The following PTGIS variants were observed in gnomAD, a reference collection of about 807,000 sequenced individuals.
PTGIS encodes the protein prostacyclin synthase.
In PTGIS, 45 loss-of-function variants were observed where a neutral mutation model predicts 50.3. The observed-to-expected ratio is 0.90, with a 90% CI of 0.70 to 1.15. The LOEUF (loss-of-function observed/expected upper bound fraction) is 1.15, where lower values mean the gene tolerates loss of function less well. Among genes scored for constraint, PTGIS ranks in the 50% most tolerant of loss-of-function variants. The pLI, the probability that PTGIS is intolerant of heterozygous loss-of-function variation, is 0.00. For synonymous variants in PTGIS, 260 were observed against 267.7 expected, an observed-to-expected ratio of 0.97 and a Z score of 0.28; for missense variants, 668 against 661.3, an observed-to-expected ratio of 1.01 and a Z score of -0.11.
Position 49,539,556 on chromosome 20 carries a change from C to T in PTGIS, c.673+14G>A, listed in dbSNP as rs199943260. ...ATCCTCCCCCCCACCCACTGGGGCC[C>T]CCATGGTGCTTACCCACTGACAGGG... On this transcript the variant is annotated intron_variant, in intron 5 of 9. Coordinates refer to ENST00000244043, the MANE Select transcript of PTGIS (RefSeq NM_000961.4). 158 of 1,612,716 alleles carry T rather than the reference C, an allele frequency of 9.8e-5. 1 individual carries two copies. In the African/African-American group the frequency reaches 1.8e-3, roughly 18 times the overall value.
At chr20:49,528,329 G>A (rs1046010123) in intron 5 of PTGIS, among the ~76,000 whole-genome samples, 5 of 151,344 alleles carry the variant, frequency 3.3e-5, no homozygotes, top group African/African-American at 1.2e-4. Flanking sequence ...ATATAGCAGT[G>A]GGCTGGGTGC....
In PTGIS at chr20:49,535,982, T is replaced by G. The variant is rs780480595; in HGVS notation, c.673+3588A>C. ...TCTTTACCCATTCTGATGTCTATAA[T>G]TGGTTTCTCTTGTTTAATTGCATCA... On this transcript the variant is annotated intron_variant, in intron 5 of 9. Transcript: ENST00000244043. Among the ~76,000 whole-genome samples the G allele has an allele frequency of 1.4e-4, 21 of 152,242 alleles. 1 individual carries two copies. The highest frequency in any genetic ancestry group is 2.9e-5 in the Non-Finnish European group (2 of 68,044).
intron 5 of PTGIS, among the ~76,000 whole-genome samples, chr20:49,528,900 T>C (rs1981862684): frequency 6.6e-6 from 1 of 152,136 alleles, no homozygotes; most frequent in Non-Finnish European, 1.5e-5. Flanking sequence ...ACTAATCAAT[T>C]ATGAGCAGTG....
Position 49,541,850 on chromosome 20 carries a change from G to C in PTGIS, c.522-2129C>G, listed in dbSNP as rs530274460. On this transcript the variant is annotated intron_variant, in intron 4 of 9. Transcript: ENST00000244043. ...CGGCAGCTCCATATCAAAAGAGCAC[G>C]GCTGAAGACAGGATAATCCCATATG... is the stretch of plus-strand genomic sequence containing the variant. Among the ~76,000 whole-genome samples, 241 of 152,150 alleles carry C rather than the reference G, an allele frequency of 1.6e-3. 1 individual carries two copies. The highest frequency in any genetic ancestry group is 2.9e-3 in the Non-Finnish European group (194 of 68,034).
intron 6 of PTGIS, 126 bp downstream of exon 6, chr20:49,523,932 C>T: frequency 8.4e-7 from 1 of 1,191,192 alleles, no homozygotes. Flanking sequence ...CACCTACATA[C>T]ACATGCACAC....
chr20:49,563,731 G>C (rs1456271504), intron 1 of PTGIS, among the ~76,000 whole-genome samples: 1 of 152,240 alleles, frequency 6.6e-6, no homozygotes, highest in African/African-American at 2.4e-5. Context: ...GAATGAGACA[G>C]ATTTATTTGT....
chr20:49,547,986 G>A lies in PTGIS; in HGVS notation c.232C>T (p.Leu78=). 6.2e-7 allele frequency: 1 copy of A among 1,614,120 alleles called. No homozygotes were observed. Among genetic ancestry groups the A allele is most frequent in the African/African-American group, 1.3e-5 (1 of 75,038 alleles). The change falls in exon 3 of 10, where the codon CTG becomes TTG. Residue 78 remains leucine, a synonymous_variant. Coordinates refer to ENST00000244043, the MANE Select transcript of PTGIS (RefSeq NM_000961.4). ...LVGGRYVTVL[L]DPHSYDAVVW... ...ACCGCGTCGTAGGAGTGTGGGTCCA[G>A]GAGAACGGTGACATACCTGCCCCCA...
In PTGIS at chr20:49,568,121, G is replaced by GGGCTGGCGGGGCTGGCGA; in HGVS notation, c.-6_-5insTCGCCAGCCCCGCCAGCC. 1.9e-6 allele frequency: 2 copies of GGGCTGGCGGGGCTGGCGA among 1,062,226 alleles called. No individual in the cohort carries two copies. The highest frequency in any genetic ancestry group is 2.5e-6 in the Non-Finnish European group (2 of 808,080). The allele number at this position is 1,062,226 out of a possible 1,614,324, so 65.8% of individuals were successfully genotyped here. Reference sequence around the variant, plus strand: ...GAGGAGCGCGGCCCAAGCCATCGCGGGGCTGGCGGGGCTGGCGGGGCTGGC... The same window carrying GGGCTGGCGGGGCTGGCGA: ...GAGGAGCGCGGCCCAAGCCATCGCGGGGCTGGCGGGGCTGGCGAGGCTGGCGGGGCTGGCGGGGCTGGC... On this transcript the variant is annotated 5_prime_UTR_variant, in exon 1 of 10. Coordinates refer to ENST00000244043, the MANE Select transcript of PTGIS (RefSeq NM_000961.4).
chr20:49,559,201 T>C (rs938728009), intron 1 of PTGIS, among the ~76,000 whole-genome samples: 1 of 152,186 alleles, frequency 6.6e-6, no homozygotes, highest in African/African-American at 2.4e-5. Flanking sequence ...AAGATAATAA[T>C]ATAGATTCTT....
chr20:49,517,484 A>G lies in PTGIS; in HGVS notation c.856-3089T>C, dbSNP rs185206112. 7.3e-4 allele frequency among the ~76,000 whole-genome samples: 111 copies of G among 152,214 alleles called. 2 individuals carry two copies. In the East Asian group the frequency reaches 0.021, roughly 28 times the overall value. On this transcript the variant is annotated intron_variant, in intron 6 of 9. Transcript: ENST00000244043. Reference sequence around the variant, plus strand: ...TGTGTGTGTGTGTGTGTGTGCACACACAACCATAAGAGATCCTGAATTTGC... The same window carrying G: ...TGTGTGTGTGTGTGTGTGTGCACACGCAACCATAAGAGATCCTGAATTTGC...
intron 5 of PTGIS, among the ~76,000 whole-genome samples, chr20:49,535,515 GT>G (rs1402637180): frequency 1.3e-5 from 2 of 152,076 alleles, no homozygotes; most frequent in Non-Finnish European, 2.9e-5. Context: ...TTGGTTTTTT[GT>G]TTTTGTTTTT....
At chr20:49,517,797 G>A (rs183139123) in intron 6 of PTGIS, among the ~76,000 whole-genome samples, 98 of 152,298 alleles carry the variant, frequency 6.4e-4, no homozygotes, top group African/African-American at 2.3e-3. Flanking sequence ...GCCTGCATCC[G>A]CTTCCTTGTC....
At chr20:49,565,001 C>T (rs1262219057) in intron 1 of PTGIS, among the ~76,000 whole-genome samples, 1 of 143,640 alleles carries the variant, frequency 7.0e-6, no homozygotes, top group African/African-American at 2.6e-5. Flanking sequence ...GAGATGGAGT[C>T]GCTCTGTCGC....
At chr20:49,554,896 T>C (rs1010161059) in intron 1 of PTGIS, among the ~76,000 whole-genome samples, 5 of 152,212 alleles carry the variant, frequency 3.3e-5, no homozygotes, top group Non-Finnish European at 7.4e-5. Context: ...TTATAAGATT[T>C]GAGAAACAGG....
chr20:49,514,280 A>T lies in PTGIS; in HGVS notation c.971T>A (p.Val324Asp). 6.2e-7 allele frequency: 1 copy of T among 1,614,134 alleles called. No homozygotes were observed. Among genetic ancestry groups the T allele is most frequent in the Non-Finnish European group, 8.5e-7 (1 of 1,180,040 alleles). ...CTGTGGGAGAGTGGTCGTCTGCGAGACAGGCTGCTCCGCTTGCCAAAGGAT... is the reference window on the plus strand; with the variant it reads ...CTGTGGGAGAGTGGTCGTCTGCGAGTCAGGCTGCTCCGCTTGCCAAAGGAT... ...ESILWQAEQPVSQTTTLPQKV... is the reference protein window; with the variant it reads ...ESILWQAEQPDSQTTTLPQKV... The change falls in exon 7 of 10, where the codon GTC (valine) becomes GAC (aspartate). Residue 324 changes from valine (V) to aspartate (D), a missense_variant. Val to Asp is a radical substitution (Grantham distance 152, BLOSUM62 -3). Transcript: ENST00000244043.
intron 5 of PTGIS, among the ~76,000 whole-genome samples, chr20:49,525,227 G>C (rs939002544): frequency 6.6e-6 from 1 of 152,240 alleles, no homozygotes; most frequent in African/African-American, 2.4e-5. Flanking sequence ...CCCTCGGCAG[G>C]AGAGGGAAAC....
rs1982177533 is a variant in PTGIS, at chr20:49,539,733, A to G, written c.522-12T>C. The G allele has an allele frequency of 1.2e-6, 2 of 1,608,212 alleles. No homozygotes were observed. Among genetic ancestry groups the G allele is most frequent in the African/African-American group, 2.7e-5 (2 of 74,936 alleles). On this transcript the variant is annotated splice_polypyrimidine_tract_variant and intron_variant, in intron 4 of 9. Coordinates refer to ENST00000244043, the MANE Select transcript of PTGIS (RefSeq NM_000961.4). The stretch of plus-strand genomic sequence containing the variant: ...TCAGGTAGCCGGCTCTGGGGGCGGC[A>G]GACAGAGGGTCAGGGGTCCTCCTGG...
rs1470976786 is a variant in PTGIS at position 49,539,574 on chromosome 20, TGA to T, written c.667_668del (p.Val224GlyfsTer80). The part of the protein sequence containing the change: ...LLPKLARGSL[S>X]VGDKDHMCSV... Reference sequence around the variant, plus strand: ...TGGGGCCCCCATGGTGCTTACCCACTGACAGGGAGCCACGGGCCAGTTTGGGG... The same window carrying T: ...TGGGGCCCCCATGGTGCTTACCCACTCAGGGAGCCACGGGCCAGTTTGGGG... On this transcript the variant is annotated frameshift_variant, in exon 5 of 10. Transcript: ENST00000244043. LOFTEE classifies it high-confidence loss of function. The T allele has an allele frequency of 1.2e-6, 2 of 1,613,508 alleles. No homozygotes were observed. The highest frequency in any genetic ancestry group is 1.7e-6 in the Non-Finnish European group (2 of 1,179,892).
intron 1 of PTGIS, among the ~76,000 whole-genome samples, chr20:49,558,250 G>A (rs1982669833): frequency 3.3e-5 from 5 of 152,114 alleles, no homozygotes; most frequent in Admixed American, 3.3e-4. Context: ...TTAGCCAGGT[G>A]TGGTGGTGTG....
Sources: allele counts gnomAD v4.1 joint callset (sites outside exome capture counted in the v4.1 genomes callset), GRCh38; gene constraint gnomAD v4.1.1; transcripts MANE v1.5; gene names NCBI Gene and HGNC (gene_info 2026-07-23, HGNC 2026-07-21).